The following PSKH1 variants were observed in gnomAD, a reference collection of about 807,000 sequenced individuals.
PSKH1 encodes protein serine kinase H1.
Under a neutral mutation model 26.7 loss-of-function variants are expected in PSKH1, and 12 were observed. The observed-to-expected ratio is 0.45, with a 90% confidence interval of 0.29 to 0.73. PSKH1 has a LOEUF of 0.73. PSKH1 is among the 30% of genes least tolerant of loss of function. The pLI, the probability that PSKH1 is intolerant of heterozygous loss-of-function variation, is 0.11. For missense variants in PSKH1, 431 were observed against 595.2 expected (o/e 0.72, Z 2.87); for synonymous variants, 213 against 234.3 (o/e 0.91, Z 0.83).
chr16:67,903,045 C>T (rs528682228), intron 1 of PSKH1: 6 of 152,202 alleles, frequency 3.9e-5, no homozygotes, highest in Non-Finnish European at 8.8e-5. Context: ...CCATGTGGAA[C>T]TTCCTGTGCA....
chr16:67,910,338 C>T (rs2058169997), intron 2 of PSKH1, among the ~76,000 whole-genome samples: 1 of 152,174 alleles, frequency 6.6e-6, no homozygotes, highest in Non-Finnish European at 1.5e-5. Context: ...GTGGGCAGGG[C>T]CTTCCCAGCA....
At chr16:67,901,898 A>T (rs2058143109) in intron 1 of PSKH1, among the ~76,000 whole-genome samples, 1 of 152,126 alleles carries the variant, frequency 6.6e-6, no homozygotes, top group Non-Finnish European at 1.5e-5. Context: ...GAGTGCTAGG[A>T]TCACAGTGTA....
At chr16:67,923,717 C>G (rs2058209160) in intron 2 of PSKH1, among the ~76,000 whole-genome samples, 1 of 152,254 alleles carries the variant, frequency 6.6e-6, no homozygotes, top group African/African-American at 2.4e-5. Flanking sequence ...ATGTGTGTCC[C>G]TGGTATGGCT....
intron 2 of PSKH1, chr16:67,910,013 T>C: frequency 2.0e-6 from 1 of 498,264 alleles, no homozygotes; most frequent in Non-Finnish European, 3.6e-6. Flanking sequence ...GGACTGCCAC[T>C]GTGGGCCACT....
chr16:67,927,607 CT>C lies in PSKH1; in HGVS notation c.1241del (p.Leu414ProfsTer170). ...RRVRERELRELNLRYQQQYNG is the reference protein window; with the variant it reads ...RRVRERELREXNLRYQQQYNG ...TGTGCGGGAACGGGAGCTGCGGGAG[CT>C]CAACCTGCGCTACCAGCAGCAATAC... On this transcript the variant is annotated frameshift_variant, in exon 3 of 3. Coordinates refer to ENST00000291041, the MANE Select transcript of PSKH1 (RefSeq NM_006742.3). LOFTEE classifies it high-confidence loss of function. The surrounding 1 kb of genome is among the most constrained non-coding windows in gnomAD (Gnocchi z 5.5). The C allele has an allele frequency of 6.2e-7, 1 of 1,610,308 alleles. No homozygotes were observed.
intron 2 of PSKH1, among the ~76,000 whole-genome samples, chr16:67,913,196 G>A (rs1181328023): frequency 1.3e-5 from 2 of 152,032 alleles, no homozygotes; most frequent in Admixed American, 6.5e-5. Context: ...ACCCAGGCTG[G>A]AGTGCAGGGG....
At position 67,927,428 on chromosome 16, in the gene PSKH1, GGGT is replaced by G; in HGVS notation, c.1066_1068del (p.Val356del). 1 of 1,614,196 alleles carries G rather than the reference GGGT, an allele frequency of 6.2e-7. No homozygotes were observed. The highest frequency in any genetic ancestry group is 8.5e-7 in the Non-Finnish European group (1 of 1,180,036). On this transcript the variant is annotated inframe_deletion, in exon 3 of 3. Coordinates refer to ENST00000291041, the MANE Select transcript of PSKH1 (RefSeq NM_006742.3). This position sits in a 1 kb window ranked among gnomAD's most constrained non-coding sequence, Gnocchi z 5.5. ...GCACTGCAGGCCCTGAGGCACCCGT[GGGT>G]GGTGAGCATGGCTGCCTCTTCATCC...
chr16:67,925,276 A>G (rs1368390320), intron 2 of PSKH1, among the ~76,000 whole-genome samples: 1 of 151,410 alleles, frequency 6.6e-6, no homozygotes, highest in Non-Finnish European at 1.5e-5. Context: ...GCTCACTGCA[A>G]CCTCCGCCTC....
intron 1 of PSKH1, among the ~76,000 whole-genome samples, chr16:67,900,700 T>TC (rs1238572400): frequency 6.6e-6 from 1 of 152,150 alleles, no homozygotes; most frequent in Non-Finnish European, 1.5e-5. Flanking sequence ...TGCTGAATGC[T>TC]CATACCCATT....
At chr16:67,901,738 T>C (rs558258764) in intron 1 of PSKH1, among the ~76,000 whole-genome samples, 1 of 150,730 alleles carries the variant, frequency 6.6e-6, no homozygotes, top group South Asian at 2.1e-4. Flanking sequence ...TGGCTCAAGC[T>C]ATCCTCCACC....
At chr16:67,907,636 C>G (rs1008823722) in intron 1 of PSKH1, among the ~76,000 whole-genome samples, 3 of 152,180 alleles carry the variant, frequency 2.0e-5, no homozygotes, top group Non-Finnish European at 2.9e-5. Flanking sequence ...CTTGTGGTCC[C>G]AAGTTCACTG....
intron 1 of PSKH1, among the ~76,000 whole-genome samples, chr16:67,902,667 A>G (rs558381605): frequency 1.9e-4 from 29 of 152,296 alleles, no homozygotes; most frequent in East Asian, 7.7e-4. Flanking sequence ...ACAAAAATTT[A>G]AACAAAAATA....
chr16:67,904,887 C>T (rs573652272), intron 1 of PSKH1, among the ~76,000 whole-genome samples: 8 of 144,450 alleles, frequency 5.5e-5, no homozygotes, highest in East Asian at 2.1e-4. Flanking sequence ...AGTGCAGTGG[C>T]GTGATGTCTG....
chr16:67,906,135 G>A (rs182185448), intron 1 of PSKH1, among the ~76,000 whole-genome samples: 28 of 148,956 alleles, frequency 1.9e-4, no homozygotes, highest in Non-Finnish European at 2.4e-4. Flanking sequence ...GTGCAATCAC[G>A]CGATCTCGGC....
chr16:67,910,299 G>C (rs1318854325), intron 2 of PSKH1, among the ~76,000 whole-genome samples: 4 of 152,148 alleles, frequency 2.6e-5, no homozygotes, highest in Non-Finnish European at 5.9e-5. Context: ...CACAGCTGCA[G>C]ATGAGCTCAG....
intron 2 of PSKH1, among the ~76,000 whole-genome samples, chr16:67,926,359 G>A (rs904183739): frequency 4.6e-5 from 7 of 152,340 alleles, no homozygotes; most frequent in African/African-American, 1.7e-4. Context: ...GCAGCACCAG[G>A]CACGGGCTCA....
intron 2 of PSKH1, among the ~76,000 whole-genome samples, chr16:67,926,660 G>A (rs553902613): frequency 1.3e-5 from 2 of 152,240 alleles, no homozygotes; most frequent in South Asian, 2.1e-4. Context: ...TGAGGCTGGC[G>A]CACAGCACTG....
intron 2 of PSKH1, among the ~76,000 whole-genome samples, chr16:67,916,275 G>A (rs749889742): frequency 2.6e-5 from 4 of 152,160 alleles, no homozygotes; most frequent in Non-Finnish European, 2.9e-5. Context: ...CGAGTGTCTC[G>A]TGGTGCTTGG....
At chr16:67,912,471 G>A (rs1347427985) in intron 2 of PSKH1, among the ~76,000 whole-genome samples, 1 of 152,200 alleles carries the variant, frequency 6.6e-6, no homozygotes, top group Non-Finnish European at 1.5e-5. Context: ...TCCTGATGAT[G>A]ATCCCCTCAG....
Sources: gnomAD v4.1 joint callset for allele counts (sites outside exome capture counted in the v4.1 genomes callset) on GRCh38, gnomAD v4.1.1 for gene constraint, Gnocchi (gnomAD v3.1) non-coding constraint, MANE v1.5 for transcripts, NCBI Gene and HGNC (gene_info 2026-07-23, HGNC 2026-07-21) for gene names.